CSRNP3: variants seen among roughly 807,000 people sequenced by gnomAD.
CSRNP3 encodes the protein cysteine and serine rich nuclear protein 3.
In CSRNP3, 12 loss-of-function variants were observed where a neutral mutation model predicts 48.0. The observed-to-expected ratio is 0.25, with a 90% CI of 0.16 to 0.41. CSRNP3 has a LOEUF of 0.41. Ranked by LOEUF, CSRNP3 falls within the 10% of genes least tolerant of loss-of-function variation. The probability of loss-of-function intolerance (pLI) is 1.00; values close to 1 mark genes in which losing one functional copy is unlikely to be tolerated. For missense variants in CSRNP3, 580 were observed against 724.4 expected, an observed-to-expected ratio of 0.80 and a Z score of 2.29; for synonymous variants, 263 against 269.7, an observed-to-expected ratio of 0.98 and a Z score of 0.24.
intron 4 of CSRNP3, among the ~76,000 whole-genome samples, chr2:165,613,733 CTTCTG>C (rs1041001505): frequency 8.7e-4 from 132 of 152,124 alleles, no homozygotes; most frequent in African/African-American, 3.0e-3. Flanking sequence ...CTATTTGGGT[CTTCTG>C]TTCTGTTCCA....
At chr2:165,564,197 G>A (rs927053525) in intron 3 of CSRNP3, among the ~76,000 whole-genome samples, 11 of 152,084 alleles carry the variant, frequency 7.2e-5, no homozygotes, top group Non-Finnish European at 1.5e-4. Flanking sequence ...AGGGATCCTA[G>A]TATGGTATCA....
chr2:165,557,952 TAGAG>T (rs1163974793), intron 3 of CSRNP3, among the ~76,000 whole-genome samples: 1 of 152,236 alleles, frequency 6.6e-6, no homozygotes, highest in African/African-American at 2.4e-5. Context: ...TCAATATTGT[TAGAG>T]AGAGTTAATA....
intron 3 of CSRNP3, among the ~76,000 whole-genome samples, chr2:165,557,711 C>T (rs923025121): frequency 2.0e-5 from 3 of 152,152 alleles, no homozygotes; most frequent in African/African-American, 7.2e-5. Context: ...TCTCTGCCTC[C>T]CCCACAGCTT....
intron 4 of CSRNP3, among the ~76,000 whole-genome samples, chr2:165,614,219 T>C (rs1221784735): frequency 1.3e-5 from 2 of 152,168 alleles, no homozygotes; most frequent in African/African-American, 4.8e-5. Flanking sequence ...TTTATCTCTT[T>C]CTTTTTCAAC....
chr2:165,644,853 A>G lies in CSRNP3; in HGVS notation c.149-12908A>G, dbSNP rs141931939. Among the ~76,000 whole-genome samples, 132 of 152,346 alleles carry G rather than the reference A, an allele frequency of 8.7e-4. 2 individuals carry two copies. In the East Asian group the frequency reaches 0.024, roughly 28 times the overall value. ...TCCATTTTGGCTGCTGTAACAAAAT[A>G]CCATAAACTGGGTAACTTATAAACA... On this transcript the variant is annotated intron_variant, in intron 4 of 6. Coordinates refer to ENST00000651982, the MANE Select transcript of CSRNP3 (RefSeq NM_001172173.2).
At chr2:165,665,987 A>AG in intron 5 of CSRNP3, among the ~76,000 whole-genome samples, 1 of 48,894 alleles carries the variant, frequency 2.0e-5, no homozygotes, top group Non-Finnish European at 5.0e-5. Flanking sequence ...AAAGAAAGAG[A>AG]GAAAGGAAGG....
At chr2:165,543,591 A>G (rs1160093741) in intron 3 of CSRNP3, among the ~76,000 whole-genome samples, 1 of 151,990 alleles carries the variant, frequency 6.6e-6, no homozygotes, top group Non-Finnish European at 1.5e-5. Flanking sequence ...TTTTTTCAAG[A>G]TTATGTTAAT....
At chr2:165,670,306 G>A (rs1381706027) in intron 5 of CSRNP3, among the ~76,000 whole-genome samples, 3 of 152,070 alleles carry the variant, frequency 2.0e-5, no homozygotes, top group African/African-American at 7.2e-5. Context: ...CCTAAGCTAG[G>A]AAATCCTTAT....
At chr2:165,666,898 A>AG in intron 5 of CSRNP3, among the ~76,000 whole-genome samples, 1 of 121,562 alleles carries the variant, frequency 8.2e-6, no homozygotes, top group African/African-American at 3.0e-5. Flanking sequence ...AAAGAGAGAG[A>AG]AAAAGGAAGG....
intron 6 of CSRNP3, 110 bp from the exon 7 acceptor site, chr2:165,678,591 G>A (rs1405515539): frequency 6.2e-6 from 8 of 1,296,034 alleles, no homozygotes; most frequent in South Asian, 1.5e-5. Flanking sequence ...TCTGGCATAT[G>A]TGGAATTAAG....
chr2:165,600,972 A>G (rs575398165), intron 4 of CSRNP3, among the ~76,000 whole-genome samples: 1 of 152,370 alleles, frequency 6.6e-6, no homozygotes, highest in East Asian at 1.9e-4. Context: ...TTCTGTTAAA[A>G]TATCCAATTT....
intron 3 of CSRNP3, among the ~76,000 whole-genome samples, chr2:165,558,583 T>C (rs1044370592): frequency 6.6e-6 from 1 of 152,148 alleles, no homozygotes; most frequent in African/African-American, 2.4e-5. Flanking sequence ...TCAGGTAAGA[T>C]AATAAGAGAG....
chr2:165,585,603 T>C (rs962751112), intron 3 of CSRNP3, among the ~76,000 whole-genome samples: 2 of 152,238 alleles, frequency 1.3e-5, no homozygotes, highest in Admixed American at 6.5e-5. Flanking sequence ...ACCCTTACCT[T>C]ATTAAGTTCA....
chr2:165,520,784 T>TATATACATATATATATATATATTATATAC (rs1491115348), intron 3 of CSRNP3, among the ~76,000 whole-genome samples: 4 of 3,210 alleles, frequency 1.2e-3, no homozygotes, highest in African/African-American at 7.3e-3. Flanking sequence ...ATATATATAT[T>TATATACATATATATATATATATTATATAC]ATATATATAT....
intron 2 of CSRNP3, among the ~76,000 whole-genome samples, chr2:165,506,059 C>G (rs548304775): frequency 4.3e-4 from 66 of 152,212 alleles, no homozygotes; most frequent in African/African-American, 1.6e-3. Context: ...CAATACCTAC[C>G]CTGTCCATCA....
chr2:165,647,085 A>G (rs1178465156), intron 4 of CSRNP3, among the ~76,000 whole-genome samples: 2 of 152,158 alleles, frequency 1.3e-5, no homozygotes, highest in Admixed American at 6.5e-5. Flanking sequence ...TAACGGCATC[A>G]CCGAGATAGT....
chr2:165,506,806 G>A (rs574098942), intron 2 of CSRNP3, among the ~76,000 whole-genome samples: 2 of 152,218 alleles, frequency 1.3e-5, no homozygotes, highest in Admixed American at 6.5e-5. Context: ...AGCCTGGGCC[G>A]CATACTCTTC....
chr2:165,599,973 T>G (rs1558946407), intron 4 of CSRNP3, among the ~76,000 whole-genome samples: 1 of 151,290 alleles, frequency 6.6e-6, no homozygotes, highest in Non-Finnish European at 1.5e-5. Flanking sequence ...AGGGTACATG[T>G]GCACAATGTG....
chr2:165,591,090 A>C (rs1243657154), intron 3 of CSRNP3, among the ~76,000 whole-genome samples: 1 of 152,194 alleles, frequency 6.6e-6, no homozygotes, highest in African/African-American at 2.4e-5. Context: ...GGAACTTCCT[A>C]GAGACTTGTT....
Sources: gnomAD v4.1 joint callset for allele counts (sites outside exome capture counted in the v4.1 genomes callset) on GRCh38, gnomAD v4.1.1 for gene constraint, MANE v1.5 for transcripts, NCBI Gene and HGNC (gene_info 2026-07-23, HGNC 2026-07-21) for gene names.